PPP1R36: variants seen among roughly 807,000 people sequenced by gnomAD.
PPP1R36 encodes protein phosphatase 1 regulatory subunit 36.
PPP1R36 carries 47 observed loss-of-function variants against 53.4 expected under a neutral mutation model. The observed-to-expected ratio is 0.88, with a 90% CI of 0.70 to 1.12. The LOEUF (loss-of-function observed/expected upper bound fraction) is 1.12, where lower values mean the gene tolerates loss of function less well. PPP1R36 is among the 50% of genes most tolerant of loss of function. PPP1R36 has a pLI of 0.00. For missense variants in PPP1R36, 456 were observed against 513.9 expected (o/e 0.89, Z 1.09); for synonymous variants, 153 against 170.5 (o/e 0.90, Z 0.80).
chr14:64,561,890 C>T (rs1049254140), intron 3 of PPP1R36: 15 of 453,012 alleles, frequency 3.3e-5, no homozygotes, highest in Admixed American at 9.5e-5. Context: ...CCTACTCTTT[C>T]GTCATGGCCT....
At chr14:64,550,257 G>GTCAGAATTGAA in intron 1 of PPP1R36, 191 bp downstream of exon 1, 1 of 1,385,750 alleles carries the variant, frequency 7.2e-7, no homozygotes, top group Non-Finnish European at 9.3e-7. Context: ...TTGACAGATG[G>GTCAGAATTGAA]TCAGAATTGA....
intron 7 of PPP1R36, among the ~76,000 whole-genome samples, chr14:64,568,937 A>G (rs548765149): frequency 6.0e-4 from 91 of 152,244 alleles, no homozygotes; most frequent in Non-Finnish European, 1.1e-3. Context: ...GCTAGTGGCA[A>G]CCATCTTGAA....
chr14:64,552,683 TAAAC>T (rs546135745), intron 2 of PPP1R36, 127 bp from the exon 3 acceptor site: 72 of 667,072 alleles, frequency 1.1e-4, no homozygotes, highest in African/African-American at 6.2e-4. Flanking sequence ...TCATGATAAT[TAAAC>T]AAATAATTCA....
At chr14:64,567,581 C>T (rs2080270211) in intron 6 of PPP1R36, among the ~76,000 whole-genome samples, 1 of 152,190 alleles carries the variant, frequency 6.6e-6, no homozygotes. Flanking sequence ...TATTCATGTA[C>T]ATGTGTATAT....
At chr14:64,562,455 CA>C (rs112608742) in intron 3 of PPP1R36, among the ~76,000 whole-genome samples, 13 of 146,502 alleles carry the variant, frequency 8.9e-5, no homozygotes, top group East Asian at 3.9e-4. Flanking sequence ...GACTCAGTCT[CA>C]AAAAAAAAAA....
chr14:64,569,218 C>T (rs918188772), intron 7 of PPP1R36, among the ~76,000 whole-genome samples: 3 of 152,192 alleles, frequency 2.0e-5, no homozygotes, highest in African/African-American at 7.2e-5. Context: ...CAATGCCTCT[C>T]AGCCTTGGTG....
At chr14:64,564,929 A>T (rs1157741171) in intron 4 of PPP1R36, 92 bp downstream of exon 4, 7 of 813,694 alleles carry the variant, frequency 8.6e-6, no homozygotes, top group Middle Eastern at 2.3e-4. Flanking sequence ...TACCATTCCC[A>T]TTATTCTAGG....
Position 64,588,100 on chromosome 14 carries a change from A to G in PPP1R36, c.891-4A>G. On this transcript the variant is annotated splice_polypyrimidine_tract_variant and splice_region_variant and intron_variant, in intron 10 of 11. Transcript: ENST00000298705. ...GACCTAAATGTCACCTTCCTCCCCG[A>G]CAGGAGAATGATGGCAAAACGCCCA... 1 of 1,593,556 alleles carries G rather than the reference A, an allele frequency of 6.3e-7. No homozygotes were observed. Among genetic ancestry groups the G allele is most frequent in the South Asian group, 1.1e-5 (1 of 88,868 alleles).
chr14:64,565,222 G>T (rs1053767495), intron 4 of PPP1R36, 135 bp from the exon 5 acceptor site: 1 of 614,234 alleles, frequency 1.6e-6, no homozygotes, highest in Non-Finnish European at 2.9e-6. Flanking sequence ...CAAAATGATC[G>T]TACATCAAAC....
intron 3 of PPP1R36, among the ~76,000 whole-genome samples, chr14:64,554,420 G>A (rs560702839): frequency 6.6e-6 from 1 of 152,142 alleles, no homozygotes; most frequent in African/African-American, 2.4e-5. Flanking sequence ...CAAAGTGCTG[G>A]GATTACAGGC....
chr14:64,582,770 A>G (rs1410852044), intron 8 of PPP1R36, among the ~76,000 whole-genome samples: 3 of 152,172 alleles, frequency 2.0e-5, no homozygotes, highest in Non-Finnish European at 2.9e-5. Flanking sequence ...TTTAAAATTA[A>G]TTTATGGCTT....
rs1056259215 is a variant in PPP1R36 at position 64,586,689 on chromosome 14, T to C, written c.669-148T>C. ...GTTGAATAAGAAAGTATTGAGACTC[T>C]TTATCAATGCCTTTTGATAGCATTT... On this transcript the variant is annotated intron_variant, in intron 8 of 11. Coordinates refer to ENST00000298705, the MANE Select transcript of PPP1R36 (RefSeq NM_172365.3). The C allele has an allele frequency of 3.5e-5, 20 of 564,302 alleles. No homozygotes were observed. The Admixed American group carries it at 4.7e-4, about 13-fold the overall frequency. The allele number at this position is 564,302 out of a possible 1,614,324, so 35.0% of individuals were successfully genotyped here.
chr14:64,577,459 C>G (rs2080352080), intron 8 of PPP1R36, among the ~76,000 whole-genome samples: 2 of 152,154 alleles, frequency 1.3e-5, no homozygotes, highest in South Asian at 4.1e-4. Context: ...CTGGTCAAAA[C>G]TTTCCTAGAG....
At chr14:64,583,939 C>T (rs1175104210) in intron 8 of PPP1R36, among the ~76,000 whole-genome samples, 4 of 135,054 alleles carry the variant, frequency 3.0e-5, no homozygotes, top group Admixed American at 8.0e-5. Context: ...CTTGCTCTGT[C>T]GCCCAGGCTG....
chr14:64,566,233 G>A (rs1321936165), intron 6 of PPP1R36, among the ~76,000 whole-genome samples: 5 of 151,586 alleles, frequency 3.3e-5, no homozygotes, highest in African/African-American at 7.3e-5. Flanking sequence ...GTGCCAATGC[G>A]CTCCAGCCTG....
intron 8 of PPP1R36, among the ~76,000 whole-genome samples, chr14:64,584,746 A>G (rs928195872): frequency 6.6e-5 from 10 of 152,176 alleles, no homozygotes; most frequent in African/African-American, 2.2e-4. Flanking sequence ...TAGTTTCCTC[A>G]GTTGAGAAGT....
intron 8 of PPP1R36, among the ~76,000 whole-genome samples, chr14:64,584,040 T>C (rs947634845): frequency 6.6e-6 from 1 of 151,548 alleles, no homozygotes; most frequent in African/African-American, 2.4e-5. Context: ...TAGCTGGGAT[T>C]ACAGGCACCT....
At chr14:64,560,441 G>GAAA (rs71123862) in intron 3 of PPP1R36, among the ~76,000 whole-genome samples, 17 of 117,982 alleles carry the variant, frequency 1.4e-4, no homozygotes, top group Non-Finnish European at 2.6e-4. Context: ...CCTATCTCAA[G>GAAA]AAAAAAAAAA....
chr14:64,572,055 C>T (rs1651391174), intron 7 of PPP1R36, among the ~76,000 whole-genome samples: 1 of 152,116 alleles, frequency 6.6e-6, no homozygotes, highest in African/African-American at 2.4e-5. Context: ...ATATCACCTT[C>T]TATTTTATAT....
Sources: allele counts gnomAD v4.1 joint callset (sites outside exome capture counted in the v4.1 genomes callset), GRCh38; gene constraint gnomAD v4.1.1; transcripts MANE v1.5; gene names NCBI Gene and HGNC (gene_info 2026-07-23, HGNC 2026-07-21).